Variants in LSM14A observed in about 807,000 individuals in gnomAD.
The protein encoded by LSM14A is LSM14A mRNA processing body assembly factor.
In LSM14A, 14 loss-of-function variants were observed where a neutral mutation model predicts 52.4. That is an observed-to-expected ratio of 0.27 (90% confidence interval 0.18 to 0.42). LSM14A has a LOEUF of 0.42. Ranked by LOEUF, LSM14A falls within the 10% of genes least tolerant of loss-of-function variation. The probability of loss-of-function intolerance (pLI) is 1.00; values close to 1 mark genes in which losing one functional copy is unlikely to be tolerated. For missense variants in LSM14A, 417 were observed against 581.8 expected (o/e 0.72, Z 2.91); for synonymous variants, 185 against 200.3 (o/e 0.92, Z 0.64).
At chr19:34,224,825 G>A (rs1291754664) in intron 9 of LSM14A, among the ~76,000 whole-genome samples, 4 of 152,178 alleles carry the variant, frequency 2.6e-5, no homozygotes, top group East Asian at 3.8e-4. Context: ...ACTATGTTGA[G>A]CATTGGTGCT....
chr19:34,195,712 C>G (rs576688467), intron 2 of LSM14A, among the ~76,000 whole-genome samples: 11 of 152,256 alleles, frequency 7.2e-5, no homozygotes, highest in African/African-American at 2.4e-4. Context: ...GAGACACATT[C>G]TTAATAGAGA....
intron 3 of LSM14A, 70 bp from the exon 4 acceptor site, chr19:34,208,859 T>G: frequency 9.6e-7 from 1 of 1,045,182 alleles, no homozygotes; most frequent in Non-Finnish European, 1.4e-6. Flanking sequence ...AATGCTGCAT[T>G]ACTTTATATC....
chr19:34,195,486 T>C (rs897555092), intron 2 of LSM14A, among the ~76,000 whole-genome samples: 1 of 152,178 alleles, frequency 6.6e-6, no homozygotes, highest in Non-Finnish European at 1.5e-5. Context: ...CCTGCAATGT[T>C]ATATAATAAG....
intron 3 of LSM14A, among the ~76,000 whole-genome samples, chr19:34,203,434 A>G (rs1180957117): frequency 6.6e-6 from 1 of 152,178 alleles, no homozygotes; most frequent in Non-Finnish European, 1.5e-5. Flanking sequence ...CCTTGAAGAG[A>G]TGCTTACGAA....
At chr19:34,207,364 C>T (rs1390976282) in intron 3 of LSM14A, among the ~76,000 whole-genome samples, 2 of 152,104 alleles carry the variant, frequency 1.3e-5, no homozygotes. Flanking sequence ...GGGTTCTACT[C>T]CCCACAGAAT....
At chr19:34,205,487 C>CAAAAAAAA (rs140536208) in intron 3 of LSM14A, among the ~76,000 whole-genome samples, 6 of 95,220 alleles carry the variant, frequency 6.3e-5, no homozygotes, top group South Asian at 4.1e-4. Context: ...CTCCATCTCA[C>CAAAAAAAA]AAAAAAAAAA....
intron 6 of LSM14A, 96 bp downstream of exon 6, chr19:34,215,757 G>A (rs566093018): frequency 6.5e-5 from 58 of 895,344 alleles, no homozygotes; most frequent in African/African-American, 1.5e-4. Flanking sequence ...AATGAAAGGC[G>A]GGGGTTGTGA....
Position 34,204,960 on chromosome 19 carries a change from C to T in LSM14A, c.416-3969C>T, listed in dbSNP as rs529121777. 1.4e-4 allele frequency among the ~76,000 whole-genome samples: 21 copies of T among 151,906 alleles called. No individual in the cohort carries two copies. The South Asian group carries it at 2.7e-3, about 20-fold the overall frequency. ...CAGCCTGGTCAATGTGATAAAAACT[C>T]GTCTCTATTAAAAATACAAAAATTA... On this transcript the variant is annotated intron_variant, in intron 3 of 9. Transcript: ENST00000544216.
At chr19:34,182,864 C>A (rs889808529) in intron 1 of LSM14A, among the ~76,000 whole-genome samples, 3 of 147,774 alleles carry the variant, frequency 2.0e-5, no homozygotes, top group Non-Finnish European at 4.5e-5. Flanking sequence ...AAAGAGTCAA[C>A]TCTCTTTAAA....
chr19:34,206,604 G>A (rs1016306571), intron 3 of LSM14A, among the ~76,000 whole-genome samples: 4 of 152,054 alleles, frequency 2.6e-5, no homozygotes, highest in South Asian at 2.1e-4. Flanking sequence ...GAGCCCAGGA[G>A]GCGGAGGTTA....
At chr19:34,210,957 T>G (rs760565074) in intron 4 of LSM14A, among the ~76,000 whole-genome samples, 22 of 152,142 alleles carry the variant, frequency 1.4e-4, no homozygotes, top group Non-Finnish European at 2.6e-4. Context: ...GAATGAGAAC[T>G]AATAAGGAAC....
intron 1 of LSM14A, among the ~76,000 whole-genome samples, chr19:34,179,969 C>T (rs969768893): frequency 2.0e-5 from 3 of 152,184 alleles, no homozygotes; most frequent in Non-Finnish European, 4.4e-5. Context: ...CACTCTGTTG[C>T]CCAGGCTGGA....
chr19:34,213,156 T>TA (rs1393170004), intron 4 of LSM14A, among the ~76,000 whole-genome samples: 1 of 146,586 alleles, frequency 6.8e-6, no homozygotes, highest in Non-Finnish European at 1.5e-5. Flanking sequence ...ATCCTGTCCC[T>TA]AAAAAACAAA....
intron 2 of LSM14A, among the ~76,000 whole-genome samples, chr19:34,195,969 C>G (rs1001722638): frequency 1.3e-5 from 2 of 152,154 alleles, no homozygotes; most frequent in African/African-American, 4.8e-5. Flanking sequence ...GGTGAACACA[C>G]AGAAAAGGTC....
At chr19:34,203,904 T>TAAAAAA (rs199861783) in intron 3 of LSM14A, among the ~76,000 whole-genome samples, 2 of 126,088 alleles carry the variant, frequency 1.6e-5, no homozygotes, top group African/African-American at 2.9e-5. Flanking sequence ...AGACTGAATT[T>TAAAAAA]AAAAAAAAAA....
At chr19:34,181,393 T>G (rs2145513306) in intron 1 of LSM14A, among the ~76,000 whole-genome samples, 1 of 152,364 alleles carries the variant, frequency 6.6e-6, no homozygotes, top group African/African-American at 2.4e-5. Flanking sequence ...ACACCACTGG[T>G]GTTCATTCAT....
In LSM14A at chr19:34,208,977, C is replaced by A; in HGVS notation, c.464C>A (p.Thr155Asn). 6.2e-7 allele frequency: 1 copy of A among 1,611,530 alleles called. No individual in the cohort carries two copies. The highest frequency in any genetic ancestry group is 8.5e-7 in the Non-Finnish European group (1 of 1,178,320). ...GGAACAGAAACATCAAACAGTGGTA[C>A]CTTACCCCAAAGTAGTGCGGTTGGT... is the stretch of plus-strand genomic sequence containing the variant. ...SFGTETSNSG[T>N]LPQSSAVGSA... The change falls in exon 4 of 10, where the codon ACC becomes AAC. Residue 155 changes from threonine (T) to asparagine (N), a missense_variant. Thr to Asn is a moderately conservative substitution (Grantham distance 65, BLOSUM62 0). Around this residue, in one of 2 missense-constraint regions of LSM14A, gnomAD observed 357 missense variants for 457.0 expected, o/e 0.78. Coordinates refer to ENST00000544216, the MANE Select transcript of LSM14A (RefSeq NM_015578.4).
chr19:34,184,950 G>C (rs1377395581), intron 1 of LSM14A, among the ~76,000 whole-genome samples: 1 of 152,116 alleles, frequency 6.6e-6, no homozygotes, highest in Non-Finnish European at 1.5e-5. Context: ...AGATGTTAAG[G>C]CTATCTGTTA....
chr19:34,197,050 CTAGGTATAT>C (rs1030222417), intron 3 of LSM14A, among the ~76,000 whole-genome samples: 3 of 151,250 alleles, frequency 2.0e-5, no homozygotes, highest in Admixed American at 2.0e-4. Context: ...ATTGGATATA[CTAGGTATAT>C]CCAATATCTA....
Sources: allele counts gnomAD v4.1 joint callset (sites outside exome capture counted in the v4.1 genomes callset), GRCh38; gene constraint gnomAD v4.1.1; regional missense constraint gnomAD v4.1.1; transcripts MANE v1.5; gene names NCBI Gene and HGNC (gene_info 2026-07-23, HGNC 2026-07-21).